Variants in TNFAIP8L3 observed in about 807,000 individuals in gnomAD.
The protein encoded by TNFAIP8L3 is tumor necrosis factor alpha-induced protein 8-like protein 3.
In TNFAIP8L3, 7 loss-of-function variants were observed where a neutral mutation model predicts 11.8. The ratio of observed to expected loss-of-function variants is 0.59; its 90% CI spans 0.34 to 1.11. The LOEUF (loss-of-function observed/expected upper bound fraction) is 1.11, where lower values mean the gene tolerates loss of function less well. TNFAIP8L3 is among the 50% of genes most tolerant of loss of function. TNFAIP8L3 has a pLI of 0.03. For synonymous variants in TNFAIP8L3, 98 were observed against 103.8 expected (o/e 0.94, Z 0.34); for missense variants, 219 against 258.6 (o/e 0.85, Z 1.05).
intron 1 of TNFAIP8L3, among the ~76,000 whole-genome samples, chr15:51,093,499 A>G (rs2065487487): frequency 6.6e-6 from 1 of 152,212 alleles, no homozygotes; most frequent in Admixed American, 6.5e-5. Flanking sequence ...TCCTACACCC[A>G]CGGCTGGACT....
intron 1 of TNFAIP8L3, among the ~76,000 whole-genome samples, chr15:51,093,486 C>T (rs1344304493): frequency 6.6e-6 from 1 of 152,244 alleles, no homozygotes; most frequent in Non-Finnish European, 1.5e-5. Flanking sequence ...CCGAACCTCT[C>T]TTTCCTACAC....
At position 51,057,988 on chromosome 15, in the gene TNFAIP8L3, C is replaced by T. The variant is rs762821746; in HGVS notation, c.508G>A (p.Asp170Asn). 24 of 1,614,088 alleles carry T rather than the reference C, an allele frequency of 1.5e-5. No individual in the cohort carries two copies. The highest frequency in any genetic ancestry group is 1.2e-4 in the African/African-American group (9 of 74,934). ...TAGAGGGTGGAGAGGAACTCCACAT[C>T]GGCAAAGTGGTTAAAGACGTGGTTG... ...RINHVFNHFA[D>N]VEFLSTLYSL... Residue 170 changes from aspartate to asparagine, a missense_variant, in exon 2 of 2, where the codon GAT becomes AAT. Transcript: ENST00000637513.
intron 1 of TNFAIP8L3, among the ~76,000 whole-genome samples, chr15:51,088,174 G>A (rs1471947132): frequency 2.0e-5 from 3 of 151,904 alleles, no homozygotes; most frequent in Non-Finnish European, 4.4e-5. Context: ...ATGTGAATTC[G>A]AATGGGAGCC....
At chr15:51,067,722 A>C (rs552967847) in intron 1 of TNFAIP8L3, among the ~76,000 whole-genome samples, 45 of 152,326 alleles carry the variant, frequency 3.0e-4, no homozygotes, top group African/African-American at 1.1e-3. Flanking sequence ...AGACTCACTG[A>C]TTATATTACT....
chr15:51,070,911 C>A lies in TNFAIP8L3; in HGVS notation c.53-12468G>T, dbSNP rs1159190324. 2.0e-4 allele frequency among the ~76,000 whole-genome samples: 29 copies of A among 148,522 alleles called. No homozygotes were observed. The South Asian group carries it at 6.0e-3, about 31-fold the overall frequency. On this transcript the variant is annotated intron_variant, in intron 1 of 1. Coordinates refer to ENST00000637513, the MANE Select transcript of TNFAIP8L3 (RefSeq NM_001311175.2). ...AATACAAAAAAAAAAATTAGCCGGG[C>A]GTAGTGGCGGGCGCCTGTAGTCCCA...
At chr15:51,090,962 C>T (rs1745212880) in intron 1 of TNFAIP8L3, among the ~76,000 whole-genome samples, 1 of 152,212 alleles carries the variant, frequency 6.6e-6, no homozygotes, top group Non-Finnish European at 1.5e-5. Flanking sequence ...GTTTACTCTC[C>T]TGTTGCTTCT....
chr15:51,102,155 G>A (rs534458130), intron 1 of TNFAIP8L3, among the ~76,000 whole-genome samples: 2 of 152,034 alleles, frequency 1.3e-5, no homozygotes, highest in Non-Finnish European at 2.9e-5. Context: ...GACATGGAAA[G>A]GAAATGATGT....
chr15:51,090,948 C>T (rs557378346), intron 1 of TNFAIP8L3, among the ~76,000 whole-genome samples: 1 of 152,138 alleles, frequency 6.6e-6, no homozygotes, highest in African/African-American at 2.4e-5. Context: ...AAACTGACGT[C>T]GCTGTTTACT....
intron 1 of TNFAIP8L3, 49 bp from the exon 2 acceptor site, chr15:51,058,492 C>T (rs754965309): frequency 2.4e-5 from 33 of 1,398,006 alleles, no homozygotes; most frequent in African/African-American, 1.0e-4. Context: ...TAAGAACTGT[C>T]TGTTACTTTT....
chr15:51,104,906 G>T, intron 1 of TNFAIP8L3: 1 of 1,465,232 alleles, frequency 6.8e-7, no homozygotes, highest in Non-Finnish European at 9.5e-7. Flanking sequence ...CTCTTCAGAT[G>T]CCAGCTCTGT....
chr15:51,105,263 T>C, exon 1 of TNFAIP8L3: 2 of 1,411,124 alleles, frequency 1.4e-6, no homozygotes, highest in Non-Finnish European at 1.9e-6. Context: ...TTACTTGAGG[T>C]AAGACTAGCA....
rs571441935 is a variant in TNFAIP8L3 at position 51,102,570 on chromosome 15, G to C, written c.172+2435C>G. On this transcript the variant is annotated intron_variant, in intron 1 of 2. Coordinates refer to the TNFAIP8L3 transcript ENST00000327536. ...TAACATCTACACCCAGTCGAGGGCT[G>C]TAGAAGGGGGAAGAAATGTTCAAGG... 3.3e-5 allele frequency among the ~76,000 whole-genome samples: 5 copies of C among 152,322 alleles called. No individual in the cohort carries two copies. The East Asian group carries it at 9.6e-4, about 29-fold the overall frequency.
At chr15:51,076,956 C>T (rs2065355398) in intron 1 of TNFAIP8L3, among the ~76,000 whole-genome samples, 1 of 152,122 alleles carries the variant, frequency 6.6e-6, no homozygotes, top group Non-Finnish European at 1.5e-5. Context: ...TGGAGAGGTC[C>T]TCCGCGTTCC....
At chr15:51,079,345 A>C (rs1054802710) in intron 1 of TNFAIP8L3, among the ~76,000 whole-genome samples, 1 of 152,218 alleles carries the variant, frequency 6.6e-6, no homozygotes, top group African/African-American at 2.4e-5. Flanking sequence ...TTGTGGAGCA[A>C]TCAGTCATCC....
intron 1 of TNFAIP8L3, chr15:51,104,965 C>T (rs1567300625): frequency 2.5e-6 from 4 of 1,613,700 alleles, no homozygotes. Flanking sequence ...CTCCCCGCCC[C>T]TATACTTCCT....
At chr15:51,081,168 A>G (rs113911368) in intron 1 of TNFAIP8L3, among the ~76,000 whole-genome samples, 1 of 152,130 alleles carries the variant, frequency 6.6e-6, no homozygotes, top group African/African-American at 2.4e-5. Flanking sequence ...TGGGGGCCCA[A>G]GGCAGTGGAA....
At chr15:51,065,334 A>C (rs1280951151) in intron 1 of TNFAIP8L3, among the ~76,000 whole-genome samples, 5 of 152,316 alleles carry the variant, frequency 3.3e-5, no homozygotes, top group Non-Finnish European at 7.4e-5. Context: ...TAAGGGGGGA[A>C]CTTCACTGCA....
chr15:51,082,387 T>TAA (rs1003343898), intron 1 of TNFAIP8L3, among the ~76,000 whole-genome samples: 1 of 152,212 alleles, frequency 6.6e-6, no homozygotes, highest in African/African-American at 2.4e-5. Flanking sequence ...TCTACTTCTC[T>TAA]AAGGCACTTA....
upstream of TNFAIP8L3, among the ~76,000 whole-genome samples, chr15:51,096,216 A>G (rs1490318064): frequency 1.3e-5 from 2 of 152,172 alleles, no homozygotes; most frequent in Admixed American, 6.5e-5. Flanking sequence ...CTTCTGGTCT[A>G]CCTGAAGGCT....
Sources: allele counts gnomAD v4.1 joint callset (sites outside exome capture counted in the v4.1 genomes callset), GRCh38; gene constraint gnomAD v4.1.1; transcripts MANE v1.5; gene names NCBI Gene and HGNC (gene_info 2026-07-23, HGNC 2026-07-21).